Variants in ZBTB47 observed in about 807,000 individuals in gnomAD.
ZBTB47 encodes zinc finger and BTB domain-containing protein 47.
In ZBTB47, 24 loss-of-function variants were observed where a neutral mutation model predicts 56.6. The ratio of observed to expected loss-of-function variants is 0.42; its 90% CI spans 0.31 to 0.60. The LOEUF is 0.60. Ranked by LOEUF, ZBTB47 falls within the 20% of genes least tolerant of loss-of-function variation. The pLI, the probability that ZBTB47 is intolerant of heterozygous loss-of-function variation, is 0.14. For missense variants in ZBTB47, 829 were observed against 1,032.6 expected, an observed-to-expected ratio of 0.80 and a Z score of 2.70; for synonymous variants, 414 against 418.9, an observed-to-expected ratio of 0.99 and a Z score of 0.14.
In ZBTB47 at chr3:42,663,804, A is replaced by G. The variant is rs766846622; in HGVS notation, c.1745A>G (p.Asn582Ser). ...CCCAAACCCCACCCCCAGAACTGCA[A>G]TGAGCGCTTCCAGTACAAGTACCAG... is the stretch of plus-strand genomic sequence containing the variant. ...GEKPFRCENC[N>S]ERFQYKYQLR... Residue 582 changes from asparagine (N) to serine (S), a missense_variant, in exon 5 of 6, where the codon AAT (asparagine) becomes AGT (serine). Asn to Ser is a conservative substitution (Grantham distance 46, BLOSUM62 1). This residue lies in a region of ZBTB47 where 187 missense variants were observed against 253.1 expected (regional missense o/e 0.74). Transcript: ENST00000232974. The surrounding 1 kb of genome is among the most constrained non-coding windows in gnomAD (Gnocchi z 5.1). 1.9e-6 allele frequency: 3 copies of G among 1,612,998 alleles called. No homozygotes were observed. The highest frequency in any genetic ancestry group is 1.7e-5 in the Admixed American group (1 of 59,936).
Position 42,666,548 on chromosome 3 carries a change from T to C in ZBTB47, c.*1950T>C, listed in dbSNP as rs1559609316. ...CTGGCTCACATTTTCCCAAAAAAAG[T>C]TGATCTCTCCCAGTGGGCTGTAGGC... is the stretch of plus-strand genomic sequence containing the variant. On this transcript the variant is annotated 3_prime_UTR_variant, in exon 6 of 6. Coordinates refer to ENST00000232974, the MANE Select transcript of ZBTB47 (RefSeq NM_145166.4). Among the ~76,000 whole-genome samples the C allele has an allele frequency of 6.6e-6, 1 of 152,186 alleles. No individual in the cohort carries two copies. Among genetic ancestry groups the C allele is most frequent in the African/African-American group, 2.4e-5 (1 of 41,462 alleles).
Position 42,654,688 on chromosome 3 carries a change from G to T in ZBTB47, c.-82+805G>T, listed in dbSNP as rs996917364. The T allele has an allele frequency of 1.0e-6, 1 of 984,886 alleles. No homozygotes were observed. Among genetic ancestry groups the T allele is most frequent in the African/African-American group, 1.7e-5 (1 of 57,180 alleles). 61.0% of individuals were successfully genotyped at this position (984,886 alleles called of 1,614,324 possible). A position where few individuals can be genotyped will look rare whatever the true frequency, so the allele number is the denominator to read the frequency against. On this transcript the variant is annotated intron_variant, in intron 1 of 5. Coordinates refer to ENST00000232974, the MANE Select transcript of ZBTB47 (RefSeq NM_145166.4). The surrounding 1 kb of genome is among the most constrained non-coding windows in gnomAD (Gnocchi z 5.0). Reference sequence around the variant, plus strand: ...GGCCCTGTGAGCCCCCAGCGCCACGGCACCATGGTACGCAGGGCCCTGCCT... The same window carrying T: ...GGCCCTGTGAGCCCCCAGCGCCACGTCACCATGGTACGCAGGGCCCTGCCT...
Position 42,658,256 on chromosome 3 carries a change from G to A in ZBTB47, c.-81-19G>A. 1 of 1,462,338 alleles carries A rather than the reference G, an allele frequency of 6.8e-7. No homozygotes were observed. Among genetic ancestry groups the A allele is most frequent in the Non-Finnish European group, 9.0e-7 (1 of 1,110,928 alleles). The allele number at this position is 1,462,338 out of a possible 1,614,324, so 90.6% of individuals were successfully genotyped here. A position where few individuals can be genotyped will look rare whatever the true frequency, so the allele number is the denominator to read the frequency against. On this transcript the variant is annotated intron_variant, in intron 1 of 5. Transcript: ENST00000232974. The stretch of plus-strand genomic sequence containing the variant: ...GGCCCACTGGCCTTGACCCACTCCT[G>A]TGCCCTCTGTCCCCGCAGTTGCTGG...
In ZBTB47 at chr3:42,665,727, C is replaced by T. The variant is rs1054168520; in HGVS notation, c.*1129C>T. 6.5e-6 allele frequency: 1 copy of T among 152,746 alleles called. No individual in the cohort carries two copies. Among genetic ancestry groups the T allele is most frequent in the African/African-American group, 2.4e-5 (1 of 41,460 alleles). The allele number at this position is 152,746 out of a possible 1,614,324, so 9.5% of individuals were successfully genotyped here. A position where few individuals can be genotyped will look rare whatever the true frequency, so the allele number is the denominator to read the frequency against. The stretch of plus-strand genomic sequence containing the variant: ...GCACCGGTGGGTGGGGCGCCCATAG[C>T]ACTGCCGGTAAAGGAGCCTGCATGT... On this transcript the variant is annotated 3_prime_UTR_variant, in exon 6 of 6. Transcript: ENST00000232974.
chr3:42,662,888 G>C (rs1469175083), intron 3 of ZBTB47, 124 bp from the exon 4 acceptor site: 2 of 680,814 alleles, frequency 2.9e-6, no homozygotes, highest in Non-Finnish European at 5.3e-6. Flanking sequence ...CTGGGACAGA[G>C]TATAAGGCCA....
chr3:42,665,803 A>G lies in ZBTB47; in HGVS notation c.*1205A>G, dbSNP rs1237668224. On this transcript the variant is annotated 3_prime_UTR_variant, in exon 6 of 6. Coordinates refer to ENST00000232974, the MANE Select transcript of ZBTB47 (RefSeq NM_145166.4). ...ACTGGGGAGGCGCAGCCTAGACCCA[A>G]TTGCTTGCCCCCATGAGGCTAGCAC... The G allele has an allele frequency of 6.6e-6, 1 of 152,626 alleles. No individual in the cohort carries two copies. Among genetic ancestry groups the G allele is most frequent in the Non-Finnish European group, 1.5e-5 (1 of 68,042 alleles). The allele number at this position is 152,626 out of a possible 1,614,324, so 9.5% of individuals were successfully genotyped here.
Position 42,661,624 on chromosome 3 carries a change from A to G in ZBTB47, c.1613A>G (p.His538Arg). 6.2e-7 allele frequency: 1 copy of G among 1,613,992 alleles called. No individual in the cohort carries two copies. The highest frequency in any genetic ancestry group is 8.5e-7 in the Non-Finnish European group (1 of 1,179,878). The change falls in exon 3 of 6, where the codon CAC becomes CGC. Residue 538 changes from histidine to arginine, a missense_variant. Around this residue, in one of 6 missense-constraint regions of ZBTB47, gnomAD observed 187 missense variants for 253.1 expected, o/e 0.74. Coordinates refer to ENST00000232974, the MANE Select transcript of ZBTB47 (RefSeq NM_145166.4). ...TACACCATGGCCCACGTGCGTAAGC[A>G]CATGGTTGGTAAGTCTGGGCCACTG... is the stretch of plus-strand genomic sequence containing the variant. ...KFYTMAHVRKHMVAHTKDMPF... is the reference protein window; with the variant it reads ...KFYTMAHVRKRMVAHTKDMPF...
rs1156891407 is a variant in ZBTB47 at position 42,658,144 on chromosome 3, G to A, written c.-81-131G>A. ...TCCCTTCCTTGCTAGTTTCGGCTCT[G>A]TTGCTGTAAAGTGGAGCCACGAGTG... On this transcript the variant is annotated intron_variant, in intron 1 of 5. Transcript: ENST00000232974. 4 of 1,014,644 alleles carry A rather than the reference G, an allele frequency of 3.9e-6. No homozygotes were observed. The African/African-American group carries it at 6.5e-5, about 17-fold the overall frequency. 62.9% of individuals were successfully genotyped at this position (1,014,644 alleles called of 1,614,324 possible).
At position 42,654,131 on chromosome 3, in the gene ZBTB47, C is replaced by T. The variant is rs1577622732; in HGVS notation, c.-82+248C>T. On this transcript the variant is annotated intron_variant, in intron 1 of 5. Coordinates refer to ENST00000232974, the MANE Select transcript of ZBTB47 (RefSeq NM_145166.4). The surrounding 1 kb of genome is among the most constrained non-coding windows in gnomAD (Gnocchi z 5.0). ...GTTCGGATCCGGGGCCCGGCGCGCTCAGCTTCCTGATTTCACGGCAGCTTC... is the reference window on the plus strand; with the variant it reads ...GTTCGGATCCGGGGCCCGGCGCGCTTAGCTTCCTGATTTCACGGCAGCTTC... 6.6e-6 allele frequency: 1 copy of T among 152,022 alleles called. No individual in the cohort carries two copies. The highest frequency in any genetic ancestry group is 6.5e-5 in the Admixed American group (1 of 15,276). 9.4% of individuals were successfully genotyped at this position (152,022 alleles called of 1,614,324 possible). A position where few individuals can be genotyped will look rare whatever the true frequency, so the allele number is the denominator to read the frequency against.
In ZBTB47 at chr3:42,664,634, G is replaced by A. The variant is rs1040300915; in HGVS notation, c.*36G>A. On this transcript the variant is annotated 3_prime_UTR_variant, in exon 6 of 6. Coordinates refer to ENST00000232974, the MANE Select transcript of ZBTB47 (RefSeq NM_145166.4). Reference sequence around the variant, plus strand: ...GCACCCGTGCACCCGCTGGGGCCTGGAGTCAGGGCCCACTCCAGGAGGGAC... The same window carrying A: ...GCACCCGTGCACCCGCTGGGGCCTGAAGTCAGGGCCCACTCCAGGAGGGAC... The A allele has an allele frequency of 1.9e-5, 26 of 1,393,682 alleles. No individual in the cohort carries two copies. Among genetic ancestry groups the A allele is most frequent in the Non-Finnish European group, 2.4e-5 (26 of 1,085,730 alleles). The allele number at this position is 1,393,682 out of a possible 1,614,324, so 86.3% of individuals were successfully genotyped here.
intron 3 of ZBTB47, among the ~76,000 whole-genome samples, chr3:42,662,782 A>G (rs1356640812): frequency 6.6e-6 from 1 of 152,204 alleles, no homozygotes; most frequent in African/African-American, 2.4e-5. Flanking sequence ...AGGCTAAAGA[A>G]CCACAGAGCC....
intron 3 of ZBTB47, 82 bp from the exon 4 acceptor site, chr3:42,662,930 C>G: frequency 1.0e-6 from 1 of 975,874 alleles, no homozygotes; most frequent in Non-Finnish European, 1.6e-6. Flanking sequence ...ACAGGGCTGC[C>G]CCAGGAGGCA....
upstream of ZBTB47, among the ~76,000 whole-genome samples, chr3:42,653,010 G>A (rs746640405): frequency 6.6e-6 from 1 of 152,202 alleles, no homozygotes; most frequent in Non-Finnish European, 1.5e-5. Flanking sequence ...GCCTCTGGGA[G>A]CTGGGCCAGC....
At position 42,666,375 on chromosome 3, in the gene ZBTB47, A is replaced by G. The variant is rs763269071; in HGVS notation, c.*1777A>G. 1.3e-5 allele frequency among the ~76,000 whole-genome samples: 2 copies of G among 152,130 alleles called. No individual in the cohort carries two copies. The highest frequency in any genetic ancestry group is 6.5e-5 in the Admixed American group (1 of 15,288). ...GCTTCTGGTCAGGACCCCCACCCCA[A>G]GGCTGGGGACTCCAGGCTCCTGCTT... On this transcript the variant is annotated 3_prime_UTR_variant, in exon 6 of 6. Coordinates refer to ENST00000232974, the MANE Select transcript of ZBTB47 (RefSeq NM_145166.4).
chr3:42,660,579 G>A (rs1466143033), intron 2 of ZBTB47, among the ~76,000 whole-genome samples: 1 of 152,220 alleles, frequency 6.6e-6, no homozygotes, highest in Non-Finnish European at 1.5e-5. Context: ...GGCTCCCACG[G>A]GTGGTTTTCA....
rs957040669 is a variant in ZBTB47 at position 42,659,935 on chromosome 3, C to T, written c.1473+107C>T. The T allele has an allele frequency of 3.5e-5, 50 of 1,410,658 alleles. No individual in the cohort carries two copies. The Admixed American group carries it at 1.2e-3, about 33-fold the overall frequency. The allele number at this position is 1,410,658 out of a possible 1,614,324, so 87.4% of individuals were successfully genotyped here. On this transcript the variant is annotated intron_variant, in intron 2 of 5. Transcript: ENST00000232974. Reference sequence around the variant, plus strand: ...TTGCTGACTGCATTACCTAGGTGGTCTGCGGAGACCAGACTTAGCCCCCAG... The same window carrying T: ...TTGCTGACTGCATTACCTAGGTGGTTTGCGGAGACCAGACTTAGCCCCCAG...
intron 1 of ZBTB47, among the ~76,000 whole-genome samples, chr3:42,657,874 C>T (rs1436614886): frequency 2.0e-5 from 3 of 152,174 alleles, no homozygotes; most frequent in South Asian, 2.1e-4. Context: ...GGTGTGCCTG[C>T]GATGGTCCTG....
chr3:42,664,565 C>T lies in ZBTB47; in HGVS notation c.2211C>T (p.Ala737=), dbSNP rs1259394059. The change falls in exon 6 of 6, where the codon GCC becomes GCT. Residue 737 remains alanine (A), a synonymous_variant. Coordinates refer to ENST00000232974, the MANE Select transcript of ZBTB47 (RefSeq NM_145166.4). ...PPPPPLFPTT[A]SPGGRMNANN The stretch of plus-strand genomic sequence containing the variant: ...CGCCTCCGCTCTTCCCCACCACTGC[C>T]AGCCCCGGCGGGAGGATGAACGCCA... The T allele has an allele frequency of 7.0e-7, 1 of 1,420,268 alleles. No homozygotes were observed. The highest frequency in any genetic ancestry group is 2.8e-5 in the East Asian group (1 of 35,238). The allele number at this position is 1,420,268 out of a possible 1,614,324, so 88.0% of individuals were successfully genotyped here. A position where few individuals can be genotyped will look rare whatever the true frequency, so the allele number is the denominator to read the frequency against.
rs1205979325 is a variant in ZBTB47, at chr3:42,659,739, A to G, written c.1384A>G (p.Met462Val). ...EKHMNVTHSR[M>V]QICDQCGKRF... ...ACACATGAATGTGACCCACAGCCGC[A>G]TGCAGATCTGCGACCAGTGCGGCAA... The change falls in exon 2 of 6, where the codon ATG (methionine) becomes GTG (valine). Residue 462 changes from methionine to valine, a missense_variant. Met to Val is a conservative substitution (Grantham distance 21). Transcript: ENST00000232974. 4 of 1,613,804 alleles carry G rather than the reference A, an allele frequency of 2.5e-6. No individual in the cohort carries two copies. The African/African-American group carries it at 4.0e-5, about 16-fold the overall frequency.
Sources: allele counts gnomAD v4.1 joint callset (sites outside exome capture counted in the v4.1 genomes callset), GRCh38; gene constraint gnomAD v4.1.1; regional missense constraint gnomAD v4.1.1; non-coding constraint Gnocchi (gnomAD v3.1); transcripts MANE v1.5; gene names NCBI Gene and HGNC (gene_info 2026-07-23, HGNC 2026-07-21).